VPS13B: variants seen among roughly 807,000 people sequenced by gnomAD.
VPS13B encodes the protein intermembrane lipid transfer protein VPS13B.
In VPS13B, 285 loss-of-function variants were observed where a neutral mutation model predicts 426.4. That is an observed-to-expected ratio of 0.67 (90% CI 0.61 to 0.74). VPS13B has a LOEUF of 0.74. Ranked by LOEUF, VPS13B falls within the 30% of genes least tolerant of loss-of-function variation. The pLI is 0.00. For synonymous variants in VPS13B, 1,676 were observed against 1,676.4 expected (o/e 1.00, Z 0.01); for missense variants, 4,537 against 4,782.6 (o/e 0.95, Z 1.51).
intron 39 of VPS13B, among the ~76,000 whole-genome samples, chr8:99,733,218 A>G (rs1833674227): frequency 6.6e-6 from 1 of 152,224 alleles, no homozygotes; most frequent in South Asian, 2.1e-4. Context: ...CATTAAGCAT[A>G]GATCATTTCT....
rs368835669 is a variant in VPS13B at position 99,591,447 on chromosome 8, C to T, written c.5220+13814C>T. Reference sequence around the variant, plus strand: ...AAATGATGCAGTTTCTTCATAGCATCGATGGTCTTTACTATTTGGCATGTT... The same window carrying T: ...AAATGATGCAGTTTCTTCATAGCATTGATGGTCTTTACTATTTGGCATGTT... On this transcript the variant is annotated intron_variant, in intron 33 of 61. Transcript: ENST00000357162. 2.4e-4 allele frequency among the ~76,000 whole-genome samples: 37 copies of T among 152,094 alleles called. 1 individual carries two copies. Among genetic ancestry groups the T allele is most frequent in the African/African-American group, 7.5e-4 (31 of 41,516 alleles).
chr8:99,276,098 T>G (rs1818881812), intron 19 of VPS13B, among the ~76,000 whole-genome samples: 1 of 152,142 alleles, frequency 6.6e-6, no homozygotes, highest in South Asian at 2.1e-4. Context: ...TATGTTCAAG[T>G]GGAAACTATG....
chr8:99,218,103 T>C (rs186411568), intron 17 of VPS13B, among the ~76,000 whole-genome samples: 1 of 152,302 alleles, frequency 6.6e-6, no homozygotes, highest in Admixed American at 6.5e-5. Flanking sequence ...TATCCAAATA[T>C]GGTCAGAGTG....
In VPS13B at chr8:99,556,379, A is replaced by C. The variant is rs931684158; in HGVS notation, c.4746-71A>C. On this transcript the variant is annotated intron_variant, in intron 30 of 61. Transcript: ENST00000357162. ...TGGTATTGACACTATGTTAGTGAAC[A>C]AAATAAACATAGAATGGTTATTTTA... is the stretch of plus-strand genomic sequence containing the variant. 15 of 1,510,938 alleles carry C rather than the reference A, an allele frequency of 9.9e-6. No individual in the cohort carries two copies. The African/African-American group carries it at 1.9e-4, about 19-fold the overall frequency. The allele number at this position is 1,510,938 out of a possible 1,614,324, so 93.6% of individuals were successfully genotyped here.
At chr8:99,148,904 A>G (rs903972402) in intron 14 of VPS13B, among the ~76,000 whole-genome samples, 3 of 152,392 alleles carry the variant, frequency 2.0e-5, no homozygotes, top group East Asian at 3.8e-4. Context: ...TGGAAAGCCC[A>G]TAACTCAGCT....
chr8:99,523,507 C>T (rs1415589423), intron 30 of VPS13B, among the ~76,000 whole-genome samples: 1 of 152,186 alleles, frequency 6.6e-6, no homozygotes, highest in Non-Finnish European at 1.5e-5. Flanking sequence ...ACACCCCTTC[C>T]ACAGCTCCAG....
At chr8:99,562,688 T>A (rs1824993046) in intron 31 of VPS13B, among the ~76,000 whole-genome samples, 2 of 152,212 alleles carry the variant, frequency 1.3e-5, no homozygotes, top group South Asian at 4.1e-4. Flanking sequence ...TTTAGAAATT[T>A]TTTTATAATG....
chr8:99,446,158 T>G (rs1588388678), intron 23 of VPS13B, among the ~76,000 whole-genome samples: 3 of 152,246 alleles, frequency 2.0e-5, no homozygotes, highest in South Asian at 4.1e-4. Flanking sequence ...GTTCATTTAC[T>G]TCTGCCTAAA....
At chr8:99,568,996 G>C (rs377231180) in intron 31 of VPS13B, among the ~76,000 whole-genome samples, 1 of 151,602 alleles carries the variant, frequency 6.6e-6, no homozygotes, top group African/African-American at 2.4e-5. Flanking sequence ...TGTTGTTGTT[G>C]TATTTTTAGT....
At chr8:99,532,946 T>G (rs1308737541) in intron 30 of VPS13B, among the ~76,000 whole-genome samples, 23 of 148,910 alleles carry the variant, frequency 1.5e-4, no homozygotes, top group Admixed American at 6.7e-5. Context: ...GGGTGTTTTT[T>G]TTTTTTTTTT....
chr8:99,093,377 T>A (rs188296744), intron 3 of VPS13B, among the ~76,000 whole-genome samples: 27 of 151,902 alleles, frequency 1.8e-4, no homozygotes, highest in African/African-American at 3.1e-4. Flanking sequence ...AAATTTTTTT[T>A]ATTTATTTAT....
intron 58 of VPS13B, among the ~76,000 whole-genome samples, chr8:99,864,496 G>C (rs1231035233): frequency 6.6e-6 from 1 of 152,222 alleles, no homozygotes; most frequent in African/African-American, 2.4e-5. Context: ...CAAGGCTGCA[G>C]TGAGCTGAGA....
chr8:99,732,209 T>C (rs1346661550), intron 39 of VPS13B, among the ~76,000 whole-genome samples: 2 of 152,200 alleles, frequency 1.3e-5, no homozygotes, highest in Admixed American at 1.3e-4. Flanking sequence ...TTATTTCCTT[T>C]CACACATGGG....
chr8:99,758,202 A>G (rs926830801), intron 39 of VPS13B, among the ~76,000 whole-genome samples: 1 of 152,242 alleles, frequency 6.6e-6, no homozygotes, highest in Admixed American at 6.5e-5. Flanking sequence ...CTTGAGAATA[A>G]TTAATTGCTA....
intron 39 of VPS13B, among the ~76,000 whole-genome samples, chr8:99,744,488 A>G (rs1230482275): frequency 1.3e-5 from 2 of 152,224 alleles, no homozygotes; most frequent in African/African-American, 4.8e-5. Flanking sequence ...CCAAAGGATT[A>G]TAAATCATGC....
chr8:99,709,214 A>T (rs1345133230), intron 36 of VPS13B, among the ~76,000 whole-genome samples: 1 of 152,158 alleles, frequency 6.6e-6, no homozygotes, highest in Non-Finnish European at 1.5e-5. Flanking sequence ...AGCTGGATAA[A>T]ATAATTACCT....
chr8:99,663,586 T>C (rs77701749), intron 35 of VPS13B, among the ~76,000 whole-genome samples: 2 of 152,306 alleles, frequency 1.3e-5, no homozygotes, highest in East Asian at 3.9e-4. Context: ...AAAAAACATA[T>C]GCTCTTTACA....
intron 17 of VPS13B, chr8:99,233,094 C>T: frequency 1.5e-6 from 2 of 1,378,180 alleles, no homozygotes; most frequent in Admixed American, 1.7e-5. Context: ...ATTTCTACTC[C>T]TGCTGCTTCA....
chr8:99,391,780 T>C, intron 21 of VPS13B, 76 bp downstream of exon 21: 1 of 1,554,272 alleles, frequency 6.4e-7, no homozygotes, highest in Non-Finnish European at 8.8e-7. Flanking sequence ...CACAATTTCA[T>C]GGATGCTGGC....
Sources: gnomAD v4.1 joint callset for allele counts (sites outside exome capture counted in the v4.1 genomes callset) on GRCh38, gnomAD v4.1.1 for gene constraint, MANE v1.5 for transcripts, NCBI Gene and HGNC (gene_info 2026-07-23, HGNC 2026-07-21) for gene names.